MCOLN2: variants seen among roughly 807,000 people sequenced by gnomAD.
MCOLN2 encodes mucolipin-2.
MCOLN2 carries 57 observed loss-of-function variants against 67.5 expected under a neutral mutation model. The observed-to-expected ratio is 0.84, with a 90% CI of 0.68 to 1.05. The LOEUF (loss-of-function observed/expected upper bound fraction) is 1.05, where lower values mean the gene tolerates loss of function less well. Among genes scored for constraint, MCOLN2 ranks in the 50% least tolerant of loss-of-function variants. The pLI, the probability that MCOLN2 is intolerant of heterozygous loss-of-function variation, is 0.00. For missense variants in MCOLN2, 620 were observed against 678.8 expected (o/e 0.91, Z 0.96); for synonymous variants, 246 against 233.3 (o/e 1.05, Z -0.50).
intron 7 of MCOLN2, among the ~76,000 whole-genome samples, chr1:84,943,571 G>A (rs1647916463): frequency 1.3e-5 from 2 of 151,666 alleles, no homozygotes; most frequent in Admixed American, 6.5e-5. Context: ...AGACAGCATT[G>A]AAGAGAAATG....
intron 1 of MCOLN2, among the ~76,000 whole-genome samples, chr1:84,986,163 G>A (rs767157975): frequency 1.3e-5 from 2 of 152,106 alleles, no homozygotes; most frequent in Admixed American, 6.5e-5. Context: ...ACTAATCTTC[G>A]ACAAAGCAAA....
chr1:84,941,287 G>C (rs1030395775), intron 7 of MCOLN2, among the ~76,000 whole-genome samples: 4 of 152,170 alleles, frequency 2.6e-5, no homozygotes, highest in African/African-American at 9.7e-5. Context: ...ACGAGGTCAG[G>C]AGATCAAGAC....
chr1:84,994,137 T>C (rs1651033430), intron 1 of MCOLN2, among the ~76,000 whole-genome samples: 1 of 152,234 alleles, frequency 6.6e-6, no homozygotes, highest in Admixed American at 6.5e-5. Context: ...CTTAAAATAT[T>C]CAGTAAATCA....
At chr1:84,937,309 T>C (rs1647483517) in intron 11 of MCOLN2, among the ~76,000 whole-genome samples, 1 of 152,240 alleles carries the variant, frequency 6.6e-6, no homozygotes, top group Non-Finnish European at 1.5e-5. Context: ...CGTGTCACCA[T>C]TTCTATCGTA....
intron 8 of MCOLN2, 102 bp from the exon 9 acceptor site, chr1:84,939,804 A>G (rs370650707): frequency 2.5e-5 from 32 of 1,258,146 alleles, no homozygotes; most frequent in Admixed American, 1.3e-4. Flanking sequence ...AGGACATGGC[A>G]TTGCCTTTCC....
chr1:84,959,195 G>A (rs1214457257), intron 2 of MCOLN2, among the ~76,000 whole-genome samples: 1 of 152,154 alleles, frequency 6.6e-6, no homozygotes, highest in Non-Finnish European at 1.5e-5. Flanking sequence ...GGAGGTAATA[G>A]TTGTCAAAAG....
rs1310652423 is a variant in MCOLN2, at chr1:84,958,674, A to G, written c.266T>C (p.Leu89Pro). ...GTTATCTTCTTTGAAAGCAACCACC[A>G]GCTGGTTACTTAAACCAAAACGAAC... is the stretch of plus-strand genomic sequence containing the variant. ...QLVRFGLSNQ[L>P]VVAFKEDNTV... Residue 89 changes from leucine to proline, a missense_variant, in exon 3 of 14, where the codon CTG becomes CCG. Physicochemically the swap from Leu to Pro is moderately conservative, Grantham distance 98 (BLOSUM62 -3). Transcript: ENST00000370608. 26 of 1,587,800 alleles carry G rather than the reference A, an allele frequency of 1.6e-5. No homozygotes were observed. The highest frequency in any genetic ancestry group is 2.2e-5 in the Non-Finnish European group (26 of 1,171,730).
Position 84,971,690 on chromosome 1 carries a change from T to C in MCOLN2, c.78-5982A>G, listed in dbSNP as rs75780534. Among the ~76,000 whole-genome samples, 619 of 152,312 alleles carry C rather than the reference T, an allele frequency of 4.1e-3. 2 individuals carry two copies. Among genetic ancestry groups the C allele is most frequent in the African/African-American group, 0.014 (577 of 41,562 alleles). Reference sequence around the variant, plus strand: ...TTTTATTTAACACATATTTACCCTATATACCTTGCAATGCTGAACACCTGG... The same window carrying C: ...TTTTATTTAACACATATTTACCCTACATACCTTGCAATGCTGAACACCTGG... On this transcript the variant is annotated intron_variant, in intron 1 of 13. Coordinates refer to ENST00000370608, the MANE Select transcript of MCOLN2 (RefSeq NM_153259.4).
intron 1 of MCOLN2, among the ~76,000 whole-genome samples, chr1:84,974,780 C>G (rs1208107821): frequency 1.3e-5 from 2 of 151,958 alleles, no homozygotes; most frequent in African/African-American, 2.4e-5. Flanking sequence ...ATTTCTGGAC[C>G]TTCCGTGGGC....
chr1:84,933,698 A>G (rs1373094948), intron 11 of MCOLN2, among the ~76,000 whole-genome samples: 2 of 152,218 alleles, frequency 1.3e-5, no homozygotes, highest in Non-Finnish European at 2.9e-5. Context: ...TCTAGTTTCA[A>G]GAACCCCTAA....
At chr1:84,951,308 G>C (rs1298818561) in intron 6 of MCOLN2, among the ~76,000 whole-genome samples, 1 of 152,184 alleles carries the variant, frequency 6.6e-6, no homozygotes, top group African/African-American at 2.4e-5. Flanking sequence ...ATTGCTAAAG[G>C]ACAGTATATA....
chr1:84,981,947 C>T (rs972988294), intron 1 of MCOLN2, among the ~76,000 whole-genome samples: 3 of 119,754 alleles, frequency 2.5e-5, no homozygotes, highest in African/African-American at 8.2e-5. Context: ...CTACAATGTA[C>T]CCACAAAAAT....
chr1:84,949,380 T>C (rs1405083304), intron 6 of MCOLN2, among the ~76,000 whole-genome samples: 1 of 152,238 alleles, frequency 6.6e-6, no homozygotes, highest in Non-Finnish European at 1.5e-5. Flanking sequence ...GGCTCACGCC[T>C]GTAATCCCAA....
intron 11 of MCOLN2, among the ~76,000 whole-genome samples, chr1:84,936,578 A>G (rs1379887343): frequency 6.6e-6 from 1 of 152,226 alleles, no homozygotes; most frequent in African/African-American, 2.4e-5. Context: ...ATGAAGAGCA[A>G]TATTATCAAG....
intron 1 of MCOLN2, among the ~76,000 whole-genome samples, chr1:84,986,917 T>C (rs917983697): frequency 8.5e-5 from 13 of 152,234 alleles, no homozygotes; most frequent in Non-Finnish European, 1.6e-4. Context: ...GCAACACTTT[T>C]AAACTGCTGA....
rs1661311726 is a variant in MCOLN2 at position 84,929,699 on chromosome 1, T to G, written c.1543-20A>C. On this transcript the variant is annotated intron_variant, in intron 12 of 13. Coordinates refer to ENST00000370608, the MANE Select transcript of MCOLN2 (RefSeq NM_153259.4). ...GAATTTCTTTAGAAAGTACACAATG[T>G]TGTTACCTTATTTATAAGGCATGAG... 1 of 1,602,358 alleles carries G rather than the reference T, an allele frequency of 6.2e-7. No individual in the cohort carries two copies. Among genetic ancestry groups the G allele is most frequent in the African/African-American group, 1.3e-5 (1 of 74,710 alleles).
At position 84,987,521 on chromosome 1, in the gene MCOLN2, T is replaced by TATGTATACATCTATGTATACATAG. The variant is rs1557665725; in HGVS notation, c.77+9251_77+9274dup. Among the ~76,000 whole-genome samples, 64 of 58,710 alleles carry TATGTATACATCTATGTATACATAG rather than the reference T, an allele frequency of 1.1e-3. 2 individuals carry two copies. The highest frequency in any genetic ancestry group is 3.3e-3 in the African/African-American group (60 of 18,310). The allele number at this position is 58,710 out of a possible 152,430, so 38.5% of individuals were successfully genotyped here. A position where few individuals can be genotyped will look rare whatever the true frequency, so the allele number is the denominator to read the frequency against. On this transcript the variant is annotated intron_variant, in intron 1 of 13. Transcript: ENST00000370608. ...ATACATAGATGTATACATATGTATA[T>TATGTATACATCTATGTATACATAG]ATGTATACATCTATGTATACATAGA...
chr1:84,927,476 G>A (rs896149163), intron 13 of MCOLN2, among the ~76,000 whole-genome samples: 10 of 152,182 alleles, frequency 6.6e-5, no homozygotes, highest in African/African-American at 2.2e-4. Flanking sequence ...AGAGGTTTAG[G>A]AGAGGTCACA....
At chr1:84,941,369 C>T (rs678065) in intron 7 of MCOLN2, among the ~76,000 whole-genome samples, 9 of 151,952 alleles carry the variant, frequency 5.9e-5, no homozygotes, top group East Asian at 1.9e-4. Context: ...TGGTGGCAGG[C>T]GCCTGTAGTC....
Sources: gnomAD v4.1 joint callset for allele counts (sites outside exome capture counted in the v4.1 genomes callset) on GRCh38, gnomAD v4.1.1 for gene constraint, MANE v1.5 for transcripts, NCBI Gene and HGNC (gene_info 2026-07-23, HGNC 2026-07-21) for gene names.